ZSCAN31: variants seen among roughly 807,000 people sequenced by gnomAD.
The protein encoded by ZSCAN31 is zinc finger and SCAN domain-containing protein 31.
A neutral mutation model predicts 22.5 loss-of-function variants in ZSCAN31; 14 were observed. That is an observed-to-expected ratio of 0.62 (90% CI 0.41 to 0.97). The LOEUF is 0.97. Among genes scored for constraint, ZSCAN31 ranks in the 50% least tolerant of loss-of-function variants. The pLI is 0.00. For missense variants in ZSCAN31, 424 were observed against 483.4 expected, an observed-to-expected ratio of 0.88 and a Z score of 1.15; for synonymous variants, 168 against 169.8, an observed-to-expected ratio of 0.99 and a Z score of 0.08.
chr6:28,345,379 A>G (rs1335600966), intron 2 of ZSCAN31, among the ~76,000 whole-genome samples: 3 of 152,170 alleles, frequency 2.0e-5, no homozygotes, highest in Non-Finnish European at 4.4e-5. Context: ...TAGCTACCCC[A>G]GTGCTGGCAG....
rs2113773169 is a variant in ZSCAN31, at chr6:28,325,327, A to G, written c.*839T>C. 6.6e-6 allele frequency: 1 copy of G among 152,348 alleles called. No homozygotes were observed. The allele number at this position is 152,348 out of a possible 1,614,324, so 9.4% of individuals were successfully genotyped here. On this transcript the variant is annotated 3_prime_UTR_variant, in exon 4 of 4. Transcript: ENST00000344279. ...AAGAGGTACCTTGTGAAGAACAGAG[A>G]TTTTAAAGTATCATCTTACTTATTA...
intron 2 of ZSCAN31, among the ~76,000 whole-genome samples, chr6:28,346,744 C>G (rs935781518): frequency 6.6e-6 from 1 of 151,974 alleles, no homozygotes; most frequent in African/African-American, 2.4e-5. Flanking sequence ...TGGTCACCTA[C>G]AAGGTAAACT....
intron 3 of ZSCAN31, among the ~76,000 whole-genome samples, chr6:28,341,230 T>C (rs1490722384): frequency 1.3e-5 from 2 of 152,232 alleles, no homozygotes; most frequent in Non-Finnish European, 2.9e-5. Flanking sequence ...CTTTACACAA[T>C]GTCTTAGTCT....
Position 28,329,740 on chromosome 6 carries a change from T to G in ZSCAN31, c.-57A>C. ...CTTTAAGTAAAGGGATAACTGTGAT[T>G]TAAAATTTTCTGATTTAATCTTCCT... is the stretch of plus-strand genomic sequence containing the variant. On this transcript the variant is annotated 5_prime_UTR_variant, in exon 2 of 4. Coordinates refer to ENST00000344279, the MANE Select transcript of ZSCAN31 (RefSeq NM_030899.5). The G allele has an allele frequency of 6.5e-7, 1 of 1,528,560 alleles. No individual in the cohort carries two copies. Among genetic ancestry groups the G allele is most frequent in the Non-Finnish European group, 8.8e-7 (1 of 1,141,680 alleles). The allele number at this position is 1,528,560 out of a possible 1,614,324, so 94.7% of individuals were successfully genotyped here. A position where few individuals can be genotyped will look rare whatever the true frequency, so the allele number is the denominator to read the frequency against.
chr6:28,354,819 G>A (rs1377457876), upstream of ZSCAN31, among the ~76,000 whole-genome samples: 1 of 152,246 alleles, frequency 6.6e-6, no homozygotes, highest in Non-Finnish European at 1.5e-5. Flanking sequence ...CACATGGCCT[G>A]GCCCTACATG....
chr6:28,335,152 A>G (rs1764045363), intron 1 of ZSCAN31, among the ~76,000 whole-genome samples: 1 of 152,164 alleles, frequency 6.6e-6, no homozygotes, highest in South Asian at 2.1e-4. Flanking sequence ...TTAGGTGGAT[A>G]GCAAGGGAAG....
At chr6:28,341,444 C>G (rs1177750276) in intron 3 of ZSCAN31, among the ~76,000 whole-genome samples, 1 of 152,162 alleles carries the variant, frequency 6.6e-6, no homozygotes, top group African/African-American at 2.4e-5. Context: ...TCCCTCTAGC[C>G]TTTTCTTATA....
chr6:28,327,985 A>G (rs1013144157), intron 2 of ZSCAN31, among the ~76,000 whole-genome samples: 1 of 152,202 alleles, frequency 6.6e-6, no homozygotes. Flanking sequence ...GGAAGACATC[A>G]CATGTCAGTA....
At chr6:28,344,983 A>G (rs1353202616) in intron 2 of ZSCAN31, among the ~76,000 whole-genome samples, 5 of 151,348 alleles carry the variant, frequency 3.3e-5, no homozygotes, top group Non-Finnish European at 7.4e-5. Context: ...TACAAAAAAA[A>G]AAAAAAGAAA....
intron 1 of ZSCAN31, 50 bp from the exon 2 acceptor site, chr6:28,329,828 G>A: frequency 2.1e-6 from 2 of 946,438 alleles, no homozygotes; most frequent in Non-Finnish European, 3.0e-6. Flanking sequence ...AAAGTAGTGG[G>A]GAAAAAAGCA....
intron 2 of ZSCAN31, among the ~76,000 whole-genome samples, chr6:28,346,340 A>ATTTTTTTTTTTTTT (rs1764639201): frequency 1.1e-5 from 1 of 88,602 alleles, no homozygotes; most frequent in African/African-American, 6.0e-5. Flanking sequence ...CCTCAGTACA[A>ATTTTTTTTTTTTTT]TCTTTTTTTT....
Position 28,347,186 on chromosome 6 carries a change from C to A in ZSCAN31, c.-370-5394G>T, listed in dbSNP as rs900287073. ...TCAACTACTCTGCCTAGCCCTATTT[C>A]TTTAACTTCTTGTGTTATTCCTGAA... On this transcript the variant is annotated intron_variant, in intron 2 of 7. Transcript: ENST00000396838. This position sits in a 1 kb window ranked among gnomAD's most constrained non-coding sequence, Gnocchi z 5.2. Among the ~76,000 whole-genome samples the A allele has an allele frequency of 1.3e-5, 2 of 152,206 alleles. No homozygotes were observed. Among genetic ancestry groups the A allele is most frequent in the Non-Finnish European group, 2.9e-5 (2 of 68,030 alleles).
chr6:28,344,460 A>G (rs1764553358), intron 2 of ZSCAN31, among the ~76,000 whole-genome samples: 1 of 152,186 alleles, frequency 6.6e-6, no homozygotes, highest in African/African-American at 2.4e-5. Context: ...GGTGGCCCAC[A>G]TGTTCCTGTC....
intron 2 of ZSCAN31, 105 bp downstream of exon 2, chr6:28,329,198 A>G: frequency 7.4e-7 from 1 of 1,359,432 alleles, no homozygotes; most frequent in Non-Finnish European, 9.9e-7. Flanking sequence ...AATTTGTTAC[A>G]CAACAGAGAA....
At chr6:28,330,539 G>T (rs757918106) in intron 1 of ZSCAN31, among the ~76,000 whole-genome samples, 1 of 152,136 alleles carries the variant, frequency 6.6e-6, no homozygotes, top group Non-Finnish European at 1.5e-5. Flanking sequence ...GCTCATTGGA[G>T]CATTTCATAT....
chr6:28,342,232 G>A (rs1764440664), intron 2 of ZSCAN31, among the ~76,000 whole-genome samples: 1 of 152,208 alleles, frequency 6.6e-6, no homozygotes, highest in Non-Finnish European at 1.5e-5. Flanking sequence ...ATGCCAGAGA[G>A]CTAATTGGAA....
rs902920888 is a variant in ZSCAN31 at position 28,329,342 on chromosome 6, A to G, written c.342T>C (p.Val114=). 1.2e-6 allele frequency: 2 copies of G among 1,603,740 alleles called. No homozygotes were observed. Among genetic ancestry groups the G allele is most frequent in the African/African-American group, 1.3e-5 (1 of 74,292 alleles). The change falls in exon 2 of 4, where the codon GTT becomes GTC. Residue 114 remains valine, a synonymous_variant. Coordinates refer to ENST00000344279, the MANE Select transcript of ZSCAN31 (RefSeq NM_030899.5). ...PESGEEAVAV[V]EDLEQELSEP... The stretch of plus-strand genomic sequence containing the variant: ...CACTAAGCTCTTGTTCCAGATCTTC[A>G]ACTACAGCCACAGCCTCCTCCCCAC...
In ZSCAN31 at chr6:28,349,752, T is replaced by C. The variant is rs1764843448; in HGVS notation, c.-371+4110A>G. On this transcript the variant is annotated intron_variant, in intron 2 of 7. Coordinates refer to the ZSCAN31 transcript ENST00000396838. The surrounding 1 kb of genome is among the most constrained non-coding windows in gnomAD (Gnocchi z 4.1). ...TTTTACTCTCTTCTATTCGCAAATA[T>C]AGCAAATTATGAAAATAATTCTGCA... Among the ~76,000 whole-genome samples, 1 of 152,228 alleles carries C rather than the reference T, an allele frequency of 6.6e-6. No individual in the cohort carries two copies. Among genetic ancestry groups the C allele is most frequent in the African/African-American group, 2.4e-5 (1 of 41,454 alleles).
Position 28,331,771 on chromosome 6 carries a change from G to A in ZSCAN31, c.-95-1993C>T, listed in dbSNP as rs1763762221. On this transcript the variant is annotated intron_variant, in intron 1 of 3. Coordinates refer to ENST00000344279, the MANE Select transcript of ZSCAN31 (RefSeq NM_030899.5). The surrounding 1 kb of genome is among the most constrained non-coding windows in gnomAD (Gnocchi z 4.8). ...GGCAAAAATTGTTCTGCAAATATGCGTTCTGCACTTTAATGCTATTGAGAA... is the reference window on the plus strand; with the variant it reads ...GGCAAAAATTGTTCTGCAAATATGCATTCTGCACTTTAATGCTATTGAGAA... 1.3e-5 allele frequency among the ~76,000 whole-genome samples: 2 copies of A among 152,132 alleles called. No individual in the cohort carries two copies. The highest frequency in any genetic ancestry group is 2.4e-5 in the African/African-American group (1 of 41,418).
Sources: gnomAD v4.1 joint callset for allele counts (sites outside exome capture counted in the v4.1 genomes callset) on GRCh38, gnomAD v4.1.1 for gene constraint, Gnocchi (gnomAD v3.1) non-coding constraint, MANE v1.5 for transcripts, NCBI Gene and HGNC (gene_info 2026-07-23, HGNC 2026-07-21) for gene names.